EXTL3: variants seen among roughly 807,000 people sequenced by gnomAD.
The protein encoded by EXTL3 is exostosin like glycosyltransferase 3.
Under a neutral mutation model 69.3 loss-of-function variants are expected in EXTL3, and 27 were observed. That is an observed-to-expected ratio of 0.39 (90% CI 0.29 to 0.54). The LOEUF is 0.54. EXTL3 is among the 20% of genes least tolerant of loss of function. The pLI is 0.69. For synonymous variants in EXTL3, 511 were observed against 499.4 expected (o/e 1.02, Z -0.31); for missense variants, 1,003 against 1,231.8 (o/e 0.81, Z 2.78).
intron 1 of EXTL3, among the ~76,000 whole-genome samples, chr8:28,640,961 G>T (rs552276241): frequency 3.7e-4 from 57 of 152,184 alleles, no homozygotes; most frequent in African/African-American, 1.3e-3. Flanking sequence ...TAATACAAAG[G>T]AATCTTATTG....
In EXTL3 at chr8:28,678,494, C is replaced by T. The variant is rs1807425342; in HGVS notation, c.-52-34963C>T. ...ACTGGTGTTAAAAAGAGCCTGGCAC[C>T]CCTCTCCCCTCTCTCTTTGCTTTTT... On this transcript the variant is annotated intron_variant, in intron 1 of 6. Transcript: ENST00000523149. Among the ~76,000 whole-genome samples the T allele has an allele frequency of 2.6e-5, 4 of 152,020 alleles. No individual in the cohort carries two copies. The South Asian group carries it at 8.3e-4, about 32-fold the overall frequency.
chr8:28,668,299 G>T (rs1050595564), intron 1 of EXTL3, among the ~76,000 whole-genome samples: 23 of 126,956 alleles, frequency 1.8e-4, no homozygotes, highest in Non-Finnish European at 3.5e-4. Context: ...AAAAGACAAA[G>T]AATACTTTCT....
At chr8:28,689,252 A>G (rs1008134001) in intron 1 of EXTL3, among the ~76,000 whole-genome samples, 1 of 152,140 alleles carries the variant, frequency 6.6e-6, no homozygotes, top group Non-Finnish European at 1.5e-5. Context: ...GGGATTTTAT[A>G]TCCTTAGCAA....
chr8:28,717,547 G>C lies in EXTL3; in HGVS notation c.1488G>C (p.Leu496=). 1.2e-6 allele frequency: 2 copies of C among 1,614,222 alleles called. No individual in the cohort carries two copies. The highest frequency in any genetic ancestry group is 1.7e-6 in the Non-Finnish European group (2 of 1,180,038). ...PKPRVTEVHF[L]LRSLSDSDLL... is the part of the protein sequence containing the mutation. ...CTCGTGTTACCGAGGTTCATTTCCT[G>C]CTCAGAAGCCTCTCCGATAGTGACC... Residue 496 remains leucine, a synonymous_variant, in exon 3 of 7, where the codon CTG becomes CTC. Coordinates refer to ENST00000220562, the MANE Select transcript of EXTL3 (RefSeq NM_001440.4). The surrounding 1 kb of genome is among the most constrained non-coding windows in gnomAD (Gnocchi z 8.3).
chr8:28,693,174 G>A (rs1800638331), intron 1 of EXTL3, among the ~76,000 whole-genome samples: 2 of 147,566 alleles, frequency 1.4e-5, no homozygotes, highest in African/African-American at 5.0e-5. Context: ...TTTTGAGATG[G>A]AGTCTTGCTC....
rs540181609 is a variant in EXTL3 at position 28,717,377 on chromosome 8, C to T, written c.1318C>T (p.Arg440Cys). ...FALIITPGDPRLVISSGCATR... is the reference protein window; with the variant it reads ...FALIITPGDPCLVISSGCATR... ...CCTCATCATTACCCCCGGGGACCCTCGCTTGGTTATTTCCTCTGGGTGTGC... is the reference window on the plus strand; with the variant it reads ...CCTCATCATTACCCCCGGGGACCCTTGCTTGGTTATTTCCTCTGGGTGTGC... The change falls in exon 3 of 7, where the codon CGC (arginine) becomes TGC (cysteine). Residue 440 changes from arginine (R) to cysteine (C), a missense_variant. By Grantham distance (180) the Arg-to-Cys change is radical. Coordinates refer to ENST00000220562, the MANE Select transcript of EXTL3 (RefSeq NM_001440.4). This position sits in a 1 kb window ranked among gnomAD's most constrained non-coding sequence, Gnocchi z 8.3. 2.2e-5 allele frequency: 35 copies of T among 1,614,190 alleles called. No individual in the cohort carries two copies. The highest frequency in any genetic ancestry group is 2.7e-5 in the Non-Finnish European group (32 of 1,180,038).
intron 1 of EXTL3, among the ~76,000 whole-genome samples, chr8:28,641,308 A>G (rs968714910): frequency 2.0e-5 from 3 of 152,206 alleles, no homozygotes; most frequent in Non-Finnish European, 2.9e-5. Context: ...TGAAGTTTAC[A>G]GGACTCACTG....
chr8:28,725,184 A>C (rs1426163327), intron 3 of EXTL3, among the ~76,000 whole-genome samples: 1 of 152,176 alleles, frequency 6.6e-6, no homozygotes, highest in African/African-American at 2.4e-5. Context: ...ATGTAATCTG[A>C]AAAGGGGCAT....
chr8:28,716,474 G>A lies in EXTL3; in HGVS notation c.415G>A (p.Glu139Lys), dbSNP rs749401888. 1.9e-6 allele frequency: 3 copies of A among 1,613,880 alleles called. No homozygotes were observed. Among genetic ancestry groups the A allele is most frequent in the Admixed American group, 3.3e-5 (2 of 60,022 alleles). The change falls in exon 3 of 7, where the codon GAG becomes AAG. Residue 139 changes from glutamate (E) to lysine (K), a missense_variant. Physicochemically the swap from Glu to Lys is moderately conservative, Grantham distance 56. Around this residue, in one of 2 missense-constraint regions of EXTL3, gnomAD observed 742 missense variants for 815.4 expected, o/e 0.91. Transcript: ENST00000220562. This position sits in a 1 kb window ranked among gnomAD's most constrained non-coding sequence, Gnocchi z 7.1. ...LQLKNVISQTEHSYKELMAQN... is the reference protein window; with the variant it reads ...LQLKNVISQTKHSYKELMAQN... Reference sequence around the variant, plus strand: ...GCTCAAGAATGTCATCAGCCAGACCGAGCATTCCTACAAGGAGCTCATGGC... The same window carrying A: ...GCTCAAGAATGTCATCAGCCAGACCAAGCATTCCTACAAGGAGCTCATGGC...
At chr8:28,661,160 G>A (rs979345760) in intron 1 of EXTL3, among the ~76,000 whole-genome samples, 14 of 151,728 alleles carry the variant, frequency 9.2e-5, no homozygotes, top group African/African-American at 2.4e-4. Context: ...TGATCCGCCC[G>A]CCTCAGCCTC....
At chr8:28,733,997 T>C (rs1011162244) in intron 4 of EXTL3, among the ~76,000 whole-genome samples, 3 of 152,002 alleles carry the variant, frequency 2.0e-5, no homozygotes, top group African/African-American at 7.2e-5. Context: ...TTTGTATTTT[T>C]AGTAGAGACA....
intron 5 of EXTL3, chr8:28,740,999 C>T (rs1030160835): frequency 1.3e-5 from 2 of 152,056 alleles, no homozygotes; most frequent in African/African-American, 4.8e-5. Context: ...CTTCTTTCTC[C>T]AGGCTGGAGT....
intron 6 of EXTL3, among the ~76,000 whole-genome samples, chr8:28,746,980 T>G (rs1177327904): frequency 7.0e-6 from 1 of 143,662 alleles, no homozygotes; most frequent in Non-Finnish European, 1.5e-5. Flanking sequence ...AGCTTAAATG[T>G]TTTTTTTACT....
At chr8:28,678,755 C>T (rs1488735718) in intron 1 of EXTL3, among the ~76,000 whole-genome samples, 1 of 152,162 alleles carries the variant, frequency 6.6e-6, no homozygotes. Flanking sequence ...GAGAAAGTTT[C>T]CTAGCTTCTT....
intron 1 of EXTL3, among the ~76,000 whole-genome samples, chr8:28,625,759 G>A (rs28397011): frequency 0.027 from 4,110 of 151,936 alleles, 191 homozygotes; most frequent in African/African-American, 0.094. Context: ...TAGTGCTATC[G>A]GACCTCTGAA....
chr8:28,746,412 C>T (rs548071478), intron 6 of EXTL3, among the ~76,000 whole-genome samples: 8 of 152,154 alleles, frequency 5.3e-5, no homozygotes, highest in Admixed American at 3.3e-4. Context: ...TGCAAGTGAA[C>T]GTCTTGGTTC....
At chr8:28,666,962 C>T (rs900541605) in intron 1 of EXTL3, among the ~76,000 whole-genome samples, 2 of 152,168 alleles carry the variant, frequency 1.3e-5, no homozygotes, top group Non-Finnish European at 2.9e-5. Flanking sequence ...CATAAAGGTC[C>T]CCACAGCAAT....
chr8:28,729,332 C>T (rs1045092971), intron 3 of EXTL3, among the ~76,000 whole-genome samples: 6 of 147,340 alleles, frequency 4.1e-5, no homozygotes, highest in Non-Finnish European at 7.4e-5. Flanking sequence ...TGCAGTGGCT[C>T]GTGCCTGTAG....
chr8:28,616,488 G>C (rs889010724), intron 2 of EXTL3, among the ~76,000 whole-genome samples: 1 of 152,166 alleles, frequency 6.6e-6, no homozygotes, highest in East Asian at 1.9e-4. Context: ...TTAGCAGGGC[G>C]TGGTGGCGGG....
Sources: allele counts gnomAD v4.1 joint callset (sites outside exome capture counted in the v4.1 genomes callset), GRCh38; gene constraint gnomAD v4.1.1; regional missense constraint gnomAD v4.1.1; non-coding constraint Gnocchi (gnomAD v3.1); transcripts MANE v1.5; gene names NCBI Gene and HGNC (gene_info 2026-07-23, HGNC 2026-07-21).